The following LRRC63 variants were observed in gnomAD, a reference collection of about 807,000 sequenced individuals.
LRRC63 encodes the protein leucine-rich repeat-containing protein 63.
A neutral mutation model predicts 49.5 loss-of-function variants in LRRC63; 40 were observed. The ratio of observed to expected loss-of-function variants is 0.81; its 90% CI spans 0.63 to 1.05. LRRC63 has a LOEUF of 1.05. LRRC63 is among the 50% of genes least tolerant of loss of function. LRRC63 has a pLI of 0.00. For missense variants in LRRC63, 636 were observed against 663.1 expected (o/e 0.96, Z 0.45); for synonymous variants, 191 against 221.1 (o/e 0.86, Z 1.21).
chr13:46,265,592 G>A (rs1430473778), intron 8 of LRRC63, among the ~76,000 whole-genome samples: 2 of 152,116 alleles, frequency 1.3e-5, no homozygotes, highest in Non-Finnish European at 2.9e-5. Flanking sequence ...TCACGCATGA[G>A]GGCTCCTGCC....
rs192573413 is a variant in LRRC63, at chr13:46,234,537, T to C, written c.990+188T>C. Among the ~76,000 whole-genome samples the C allele has an allele frequency of 4.5e-3, 686 of 152,326 alleles. 7 individuals carry two copies. Among genetic ancestry groups the C allele is most frequent in the African/African-American group, 0.016 (647 of 41,576 alleles). ...CTAGTTTGCCTTCAGTTTAAAAAGA[T>C]TCTGAGGTTCAAGTCAATCACAGTG... On this transcript the variant is annotated intron_variant, in intron 5 of 9. Transcript: ENST00000595396.
rs374639156 is a variant in LRRC63, at chr13:46,228,895, A to G, written c.832+162A>G. ...TCCCTAAGTCATTTATGGAGCAGCT[A>G]TTTTTAATATATTGACTATGAACCA... is the stretch of plus-strand genomic sequence containing the variant. On this transcript the variant is annotated intron_variant, in intron 4 of 9. Coordinates refer to ENST00000595396, the Ensembl canonical transcript of LRRC63. Among the ~76,000 whole-genome samples, 40 of 152,282 alleles carry G rather than the reference A, an allele frequency of 2.6e-4. No homozygotes were observed. In the East Asian group the frequency reaches 6.4e-3, roughly 24 times the overall value.
At chr13:46,234,381 C>G (rs56232388) in intron 5 of LRRC63, 32 bp downstream of exon 5, 136,037 of 1,530,318 alleles carry the variant, frequency 0.089, 8,008 homozygotes, top group African/African-American at 0.24. Context: ...ACAGTGCCCT[C>G]CTGTATTATC....
At chr13:46,264,441 G>T (rs193118958) in intron 8 of LRRC63, among the ~76,000 whole-genome samples, 135 of 136,842 alleles carry the variant, frequency 9.9e-4, no homozygotes, top group South Asian at 1.7e-3. Flanking sequence ...TATTTATTTA[G>T]TTAGTTAGTT....
intron 6 of LRRC63, among the ~76,000 whole-genome samples, chr13:46,249,039 C>T (rs374787474): frequency 6.6e-6 from 1 of 151,748 alleles, no homozygotes; most frequent in African/African-American, 2.4e-5. Context: ...TCCTAAATAA[C>T]CAGTGGGTCA....
intron 6 of LRRC63, among the ~76,000 whole-genome samples, chr13:46,248,350 C>A (rs1189512046): frequency 6.6e-6 from 1 of 151,886 alleles, no homozygotes; most frequent in Admixed American, 6.6e-5. Flanking sequence ...CAAAATTATA[C>A]AAGTTCTTAT....
intron 2 of LRRC63, among the ~76,000 whole-genome samples, chr13:46,222,832 C>G (rs2046446130): frequency 6.6e-6 from 1 of 151,898 alleles, no homozygotes; most frequent in Admixed American, 6.6e-5. Flanking sequence ...CAATGATAGA[C>G]TGGATTAAGA....
intron 2 of LRRC63, 126 bp from the exon 3 acceptor site, chr13:46,227,386 G>A: frequency 1.6e-6 from 1 of 644,086 alleles, no homozygotes; most frequent in Non-Finnish European, 2.5e-6. Flanking sequence ...CTGAGCAAGT[G>A]TATACAGAAA....
chr13:46,249,046 G>C (rs2047300039), intron 6 of LRRC63, among the ~76,000 whole-genome samples: 1 of 151,750 alleles, frequency 6.6e-6, no homozygotes, highest in African/African-American at 2.4e-5. Context: ...TAACCAGTGG[G>C]TCAAAGAATA....
intron 7 of LRRC63, among the ~76,000 whole-genome samples, chr13:46,255,211 T>C (rs1440905764): frequency 2.0e-5 from 3 of 152,102 alleles, no homozygotes; most frequent in Admixed American, 6.6e-5. Context: ...GTACCTAGAA[T>C]AGACAAATTT....
intron 6 of LRRC63, among the ~76,000 whole-genome samples, chr13:46,247,582 A>G (rs1352005850): frequency 6.6e-6 from 1 of 152,174 alleles, no homozygotes; most frequent in Non-Finnish European, 1.5e-5. Context: ...GGTCTGTGTT[A>G]TATAGCTATA....
At chr13:46,245,025 A>G (rs997126517) in intron 5 of LRRC63, among the ~76,000 whole-genome samples, 8 of 152,232 alleles carry the variant, frequency 5.3e-5, no homozygotes, top group Middle Eastern at 3.2e-3. Context: ...AGATAACAGT[A>G]GGCATTATAA....
At chr13:46,228,411 A>G (rs1284295625) in intron 3 of LRRC63, among the ~76,000 whole-genome samples, 1 of 152,236 alleles carries the variant, frequency 6.6e-6, no homozygotes, top group Non-Finnish European at 1.5e-5. Flanking sequence ...AGATGGTGAT[A>G]ATGGGAACCA....
exon 2 of LRRC63, chr13:46,213,068 T>A: frequency 6.5e-7 from 1 of 1,549,928 alleles, no homozygotes; most frequent in East Asian, 2.4e-5. Flanking sequence ...TCGAAGACCC[T>A]TACCTCCAAA....
At chr13:46,267,964 GTGTT>G (rs1370422436) in intron 9 of LRRC63, among the ~76,000 whole-genome samples, 4 of 152,268 alleles carry the variant, frequency 2.6e-5, no homozygotes, top group African/African-American at 9.6e-5. Context: ...CAGAAAAAAA[GTGTT>G]TGAGAGAAAC....
intron 9 of LRRC63, among the ~76,000 whole-genome samples, chr13:46,268,440 C>G (rs1176507676): frequency 6.6e-6 from 1 of 152,030 alleles, no homozygotes; most frequent in Non-Finnish European, 1.5e-5. Context: ...GATATGAATT[C>G]GCAGACATCA....
intron 7 of LRRC63, among the ~76,000 whole-genome samples, chr13:46,258,272 G>C (rs559095111): frequency 6.6e-6 from 1 of 151,390 alleles, no homozygotes; most frequent in African/African-American, 2.4e-5. Flanking sequence ...TGGGATTACA[G>C]GCATGCGCCA....
At chr13:46,218,547 CTT>C (rs1248657155) in intron 2 of LRRC63, among the ~76,000 whole-genome samples, 3 of 152,072 alleles carry the variant, frequency 2.0e-5, no homozygotes, top group African/African-American at 7.2e-5. Context: ...GGTTTTAACT[CTT>C]TATCCAGTTT....
intron 2 of LRRC63, among the ~76,000 whole-genome samples, chr13:46,218,180 T>C (rs937694481): frequency 5.9e-5 from 9 of 152,222 alleles, no homozygotes; most frequent in African/African-American, 1.9e-4. Flanking sequence ...CTTGTTGATC[T>C]GTCTAATGTT....
Sources: allele counts gnomAD v4.1 joint callset (sites outside exome capture counted in the v4.1 genomes callset), GRCh38; gene constraint gnomAD v4.1.1; transcripts MANE v1.5; gene names NCBI Gene and HGNC (gene_info 2026-07-23, HGNC 2026-07-21).